Variants in TRIM50 observed in about 807,000 individuals in gnomAD.
TRIM50 encodes E3 ubiquitin-protein ligase TRIM50.
TRIM50 carries 34 observed loss-of-function variants against 44.9 expected under a neutral mutation model. The ratio of observed to expected loss-of-function variants is 0.76; its 90% CI spans 0.58 to 1.01. TRIM50 has a LOEUF of 1.01. TRIM50 is among the 50% of genes least tolerant of loss of function. The pLI, the probability that TRIM50 is intolerant of heterozygous loss-of-function variation, is 0.00. For missense variants in TRIM50, 633 were observed against 663.7 expected (o/e 0.95, Z 0.51); for synonymous variants, 307 against 291.1 (o/e 1.05, Z -0.56).
Position 73,313,670 on chromosome 7 carries a change from C to A in TRIM50, c.875-160G>T, listed in dbSNP as rs1804290405. On this transcript the variant is annotated intron_variant, in intron 6 of 6. Coordinates refer to ENST00000333149, the MANE Select transcript of TRIM50 (RefSeq NM_178125.3). This position sits in a 1 kb window ranked among gnomAD's most constrained non-coding sequence, Gnocchi z 4.9. ...GAAGGGGCCAGTACAGGGCTGCTCC[C>A]TGAATGAATGAATGAATGAATGAAT... Among the ~76,000 whole-genome samples, 1 of 148,924 alleles carries A rather than the reference C, an allele frequency of 6.7e-6. No homozygotes were observed. The highest frequency in any genetic ancestry group is 2.5e-5 in the African/African-American group (1 of 40,524).
In TRIM50 at chr7:73,320,147, G is replaced by C; in HGVS notation, c.495C>G (p.Val165=). Residue 165 remains valine, a splice_region_variant and synonymous_variant, in exon 3 of 7, where the codon GTC becomes GTG. Coordinates refer to ENST00000333149, the MANE Select transcript of TRIM50 (RefSeq NM_178125.3). ...AKLVNNRTRI[V]NESDVFSWVI... is the part of the protein sequence containing the mutation. ...AGGGGCAGAGGGAAGGGGCACTCAC[G>C]ACGATTCGGGTCCGGTTGTTCACCA... 6.2e-7 allele frequency: 1 copy of C among 1,612,296 alleles called. No individual in the cohort carries two copies. The highest frequency in any genetic ancestry group is 8.5e-7 in the Non-Finnish European group (1 of 1,179,872).
intron 6 of TRIM50, among the ~76,000 whole-genome samples, chr7:73,316,130 C>T (rs1179025764): frequency 6.6e-6 from 1 of 152,116 alleles, no homozygotes; most frequent in Non-Finnish European, 1.5e-5. Context: ...ATCCGCCCTC[C>T]TCAGCCTCCC....
rs868951284 is a variant in TRIM50 at position 73,313,462 on chromosome 7, T to C, written c.923A>G (p.Glu308Gly). ...LDPATAHPLL[E>G]LSKGNTVVQC... is the part of the protein sequence containing the mutation. ...CACCACCGTGTTGCCCTTGGAGAGCTCCAGGAGTGGGTGGGCAGTGGCAGG... is the reference window on the plus strand; with the variant it reads ...CACCACCGTGTTGCCCTTGGAGAGCCCCAGGAGTGGGTGGGCAGTGGCAGG... The change falls in exon 7 of 7, where the codon GAG (glutamate) becomes GGG (glycine). Residue 308 changes from glutamate (E) to glycine (G), a missense_variant. Transcript: ENST00000333149. This position sits in a 1 kb window ranked among gnomAD's most constrained non-coding sequence, Gnocchi z 4.9. The C allele has an allele frequency of 6.5e-7, 1 of 1,543,468 alleles. No individual in the cohort carries two copies. Among genetic ancestry groups the C allele is most frequent in the Non-Finnish European group, 8.7e-7 (1 of 1,149,488 alleles).
chr7:73,319,655 C>T (rs568161950), intron 3 of TRIM50, among the ~76,000 whole-genome samples: 2 of 152,320 alleles, frequency 1.3e-5, no homozygotes, highest in African/African-American at 4.8e-5. Context: ...GCTGAGTGCT[C>T]CTGGATCTTG....
chr7:73,312,742 T>C lies in TRIM50; in HGVS notation c.*179A>G. 1 of 589,910 alleles carries C rather than the reference T, an allele frequency of 1.7e-6. No individual in the cohort carries two copies. The highest frequency in any genetic ancestry group is 2.9e-6 in the Non-Finnish European group (1 of 342,144). The allele number at this position is 589,910 out of a possible 1,614,324, so 36.5% of individuals were successfully genotyped here. A position where few individuals can be genotyped will look rare whatever the true frequency, so the allele number is the denominator to read the frequency against. On this transcript the variant is annotated 3_prime_UTR_variant, in exon 7 of 7. Transcript: ENST00000333149. ...GGGCCGAAGTTTACAAATACACCCT[T>C]GGCTGAGGGGAAAGGGACTGGGGTC... is the stretch of plus-strand genomic sequence containing the variant.
chr7:73,320,014 C>T (rs1208290051), intron 3 of TRIM50, 133 bp downstream of exon 3: 31 of 1,488,462 alleles, frequency 2.1e-5, no homozygotes, highest in African/African-American at 2.8e-5. Flanking sequence ...TTCCCCACCC[C>T]GCCCTGGGAA....
chr7:73,319,535 A>G (rs563599374), intron 3 of TRIM50, among the ~76,000 whole-genome samples: 26 of 152,222 alleles, frequency 1.7e-4, no homozygotes, highest in African/African-American at 3.4e-4. Flanking sequence ...CTAGGCGAGC[A>G]GGCTTTGCTG....
chr7:73,319,997 T>G (rs185467410), intron 3 of TRIM50, 150 bp downstream of exon 3: 2 of 1,311,768 alleles, frequency 1.5e-6, no homozygotes, highest in East Asian at 4.6e-5. Context: ...CTGAGAGGAT[T>G]TGCGCTTTCC....
At position 73,313,416 on chromosome 7, in the gene TRIM50, C is replaced by T; in HGVS notation, c.969G>A (p.Gln323=). The T allele has an allele frequency of 6.4e-7, 1 of 1,572,596 alleles. No homozygotes were observed. Among genetic ancestry groups the T allele is most frequent in the Non-Finnish European group, 8.6e-7 (1 of 1,163,654 alleles). The change falls in exon 7 of 7, where the codon CAG becomes CAA. Residue 323 remains glutamine, a synonymous_variant. Coordinates refer to ENST00000333149, the MANE Select transcript of TRIM50 (RefSeq NM_178125.3). This position sits in a 1 kb window ranked among gnomAD's most constrained non-coding sequence, Gnocchi z 4.9. ...NTVVQCGLLA[Q]RRASQPERFD... The stretch of plus-strand genomic sequence containing the variant: ...AGCGCTCAGGCTGGCTGGCTCGCCG[C>T]TGGGCCAGAAGCCCGCACTGCACCA...
At chr7:73,319,455 C>T (rs1804441996) in intron 3 of TRIM50, among the ~76,000 whole-genome samples, 1 of 152,114 alleles carries the variant, frequency 6.6e-6, no homozygotes, top group Admixed American at 6.5e-5. Context: ...CACCACACCC[C>T]ACTTTGCCTA....
Position 73,316,652 on chromosome 7 carries a change from A to G in TRIM50, c.787T>C (p.Phe263Leu). The G allele has an allele frequency of 6.2e-7, 1 of 1,614,196 alleles. No individual in the cohort carries two copies. ...CCTGGCTTGAAGGAGATGGGGCTGAATGCGCCTTCTAAGGGCCGGGCCTGC... is the reference window on the plus strand; with the variant it reads ...CCTGGCTTGAAGGAGATGGGGCTGAGTGCGCCTTCTAAGGGCCGGGCCTGC... ...MPQARPLEGAFSPISFKPGLH... is the reference protein window; with the variant it reads ...MPQARPLEGALSPISFKPGLH... The change falls in exon 6 of 7, where the codon TTC becomes CTC. Residue 263 changes from phenylalanine to leucine, a missense_variant. By Grantham distance (22) the Phe-to-Leu change is conservative. Transcript: ENST00000333149.
intron 2 of TRIM50, among the ~76,000 whole-genome samples, chr7:73,323,549 G>A (rs1804542600): frequency 2.0e-5 from 3 of 152,236 alleles, no homozygotes; most frequent in Non-Finnish European, 4.4e-5. Context: ...ATAACAGCCA[G>A]CCAGGTATTA....
Position 73,313,336 on chromosome 7 carries a change from T to C in TRIM50, c.1049A>G (p.Tyr350Cys). 6.2e-7 allele frequency: 1 copy of C among 1,605,534 alleles called. No homozygotes were observed. Among genetic ancestry groups the C allele is most frequent in the African/African-American group, 1.3e-5 (1 of 74,870 alleles). ...CTTGCTGCCCACCACCACCTCCCAGTAGTGGCGGCCGCAGGAGAAGCCGCG... is the reference window on the plus strand; with the variant it reads ...CTTGCTGCCCACCACCACCTCCCAGCAGTGGCGGCCGCAGGAGAAGCCGCG... ...ASRGFSCGRH[Y>C]WEVVVGSKSD... Residue 350 changes from tyrosine (Y) to cysteine (C), a missense_variant, in exon 7 of 7, where the codon TAC (tyrosine) becomes TGC (cysteine). By Grantham distance (194) the Tyr-to-Cys change is radical. Coordinates refer to ENST00000333149, the MANE Select transcript of TRIM50 (RefSeq NM_178125.3). The surrounding 1 kb of genome is among the most constrained non-coding windows in gnomAD (Gnocchi z 4.9).
Position 73,313,966 on chromosome 7 carries a change from TG to T in TRIM50, c.875-457del, listed in dbSNP as rs1207512368. 2 of 232,292 alleles carry T rather than the reference TG, an allele frequency of 8.6e-6. No individual in the cohort carries two copies. Among genetic ancestry groups the T allele is most frequent in the African/African-American group, 4.6e-5 (2 of 43,362 alleles). 14.4% of individuals were successfully genotyped at this position (232,292 alleles called of 1,614,324 possible). On this transcript the variant is annotated intron_variant, in intron 6 of 6. Transcript: ENST00000333149. The surrounding 1 kb of genome is among the most constrained non-coding windows in gnomAD (Gnocchi z 4.9). ...GAGAACCCATAACAACTGCAGCTGT[TG>T]GATTTGCTAGCCTAGTCAGCCTATT...
chr7:73,319,717 C>G (rs1452413207), intron 3 of TRIM50, among the ~76,000 whole-genome samples: 4 of 152,238 alleles, frequency 2.6e-5, no homozygotes, highest in Non-Finnish European at 2.9e-5. Context: ...GGCACTATGG[C>G]TCCCAGCCCC....
chr7:73,316,673 C>A lies in TRIM50; in HGVS notation c.766G>T (p.Ala256Ser), dbSNP rs1310221249. 1 of 1,614,064 alleles carries A rather than the reference C, an allele frequency of 6.2e-7. No individual in the cohort carries two copies. Among genetic ancestry groups the A allele is most frequent in the Admixed American group, 1.7e-5 (1 of 60,022 alleles). The change falls in exon 6 of 7, where the codon GCC becomes TCC. Residue 256 changes from alanine to serine, a missense_variant. Coordinates refer to ENST00000333149, the MANE Select transcript of TRIM50 (RefSeq NM_178125.3). ...CTGAATGCGCCTTCTAAGGGCCGGG[C>A]CTGCGGCATCTCTGCTCTGCAGGTG... ...SMASRAEMPQ[A>S]RPLEGAFSPI...
intron 2 of TRIM50, among the ~76,000 whole-genome samples, chr7:73,324,163 G>C (rs1237932036): frequency 6.6e-6 from 1 of 152,184 alleles, no homozygotes; most frequent in Non-Finnish European, 1.5e-5. Flanking sequence ...AAAACAGGAA[G>C]GGGTGAGCAC....
In TRIM50 at chr7:73,313,637, A is replaced by T; in HGVS notation, c.875-127T>A. The T allele has an allele frequency of 1.4e-6, 1 of 700,786 alleles. No individual in the cohort carries two copies. Among genetic ancestry groups the T allele is most frequent in the Non-Finnish European group, 2.3e-6 (1 of 430,408 alleles). 43.4% of individuals were successfully genotyped at this position (700,786 alleles called of 1,614,324 possible). On this transcript the variant is annotated intron_variant, in intron 6 of 6. Transcript: ENST00000333149. This position sits in a 1 kb window ranked among gnomAD's most constrained non-coding sequence, Gnocchi z 4.9. ...GTGTCTTCCTCATCTCTCTAGCCCCAGGGTCTAGAAGGGGCCAGTACAGGG... is the reference window on the plus strand; with the variant it reads ...GTGTCTTCCTCATCTCTCTAGCCCCTGGGTCTAGAAGGGGCCAGTACAGGG...
At position 73,318,716 on chromosome 7, in the gene TRIM50, G is replaced by A. The variant is rs371601156; in HGVS notation, c.727-7C>T. The A allele has an allele frequency of 3.1e-6, 5 of 1,613,888 alleles. No homozygotes were observed. In the South Asian group the frequency reaches 4.4e-5, roughly 14 times the overall value. ...AGGCCATGGAGTGGAACTTCTGGAA[G>A]GCAAGAGAGAGGGAGGTTAAGGCTA... On this transcript the variant is annotated splice_region_variant and splice_polypyrimidine_tract_variant and intron_variant, in intron 4 of 6. Transcript: ENST00000333149.
Sources: gnomAD v4.1 joint callset for allele counts (sites outside exome capture counted in the v4.1 genomes callset) on GRCh38, gnomAD v4.1.1 for gene constraint, Gnocchi (gnomAD v3.1) non-coding constraint, MANE v1.5 for transcripts, NCBI Gene and HGNC (gene_info 2026-07-23, HGNC 2026-07-21) for gene names.